The following PCDH15 variants were observed in gnomAD, a reference collection of about 807,000 sequenced individuals.
PCDH15 encodes protocadherin related 15.
A neutral mutation model predicts 178.5 loss-of-function variants in PCDH15; 129 were observed. The observed-to-expected ratio is 0.72, with a 90% CI of 0.63 to 0.84. PCDH15 has a LOEUF of 0.84. Among genes scored for constraint, PCDH15 ranks in the 40% least tolerant of loss-of-function variants. The pLI is 0.00. For missense variants in PCDH15, 2,230 were observed against 2,099.9 expected (o/e 1.06, Z -1.21); for synonymous variants, 800 against 732.0 (o/e 1.09, Z -1.50).
intron 25 of PCDH15, among the ~76,000 whole-genome samples, chr10:53,923,781 C>T (rs1589438909): frequency 6.6e-6 from 1 of 152,186 alleles, no homozygotes; most frequent in African/African-American, 2.4e-5. Context: ...TTGAAACCCT[C>T]TTCTCCTTTG....
At chr10:54,574,973 A>G (rs1590208239) in intron 2 of PCDH15, among the ~76,000 whole-genome samples, 1 of 149,310 alleles carries the variant, frequency 6.7e-6, no homozygotes, top group Non-Finnish European at 1.5e-5. Flanking sequence ...TGCAGCCATA[A>G]AAAATGATGA....
chr10:53,919,190 A>G (rs2133858814), intron 25 of PCDH15, among the ~76,000 whole-genome samples: 2 of 152,274 alleles, frequency 1.3e-5, no homozygotes, highest in South Asian at 4.1e-4. Context: ...TATGTAAATT[A>G]ATATCTTCCC....
intron 1 of PCDH15, among the ~76,000 whole-genome samples, chr10:55,237,544 A>G (rs891870493): frequency 2.0e-5 from 3 of 152,112 alleles, no homozygotes; most frequent in Admixed American, 2.0e-4. Flanking sequence ...GTAGATTATC[A>G]TTATTTGTGT....
chr10:53,903,413 A>T, intron 25 of PCDH15, 43 bp from the exon 26 acceptor site: 1 of 1,606,946 alleles, frequency 6.2e-7, no homozygotes, highest in Non-Finnish European at 8.5e-7. Flanking sequence ...GTGGTTATTC[A>T]TGGGGGAAAA....
chr10:54,214,037 C>T lies in PCDH15; in HGVS notation c.997G>A (p.Asp333Asn). The change falls in exon 10 of 38, where the codon GAT (aspartate) becomes AAT (asparagine). Residue 333 changes from aspartate (D) to asparagine (N), a missense_variant. By Grantham distance (23) the Asp-to-Asn change is conservative (BLOSUM62 1). Transcript: ENST00000644397. ...LYSILVGTPE[D>N]YPRFFHMHPR... ...TGCATATGGAAAAATCGTGGGTAAT[C>T]CTCAGGAGTCCCTGGAAGACATTGA... is the stretch of plus-strand genomic sequence containing the variant. The T allele has an allele frequency of 2.5e-6, 4 of 1,576,612 alleles. No homozygotes were observed. The highest frequency in any genetic ancestry group is 3.5e-6 in the Non-Finnish European group (4 of 1,146,286).
At chr10:54,002,909 G>A (rs973674045) in intron 20 of PCDH15, among the ~76,000 whole-genome samples, 1 of 152,076 alleles carries the variant, frequency 6.6e-6, no homozygotes, top group African/African-American at 2.4e-5. Flanking sequence ...ACCCTTCCAG[G>A]TCCCCTTCCA....
chr10:55,321,955 G>A (rs1843913157), upstream of PCDH15, among the ~76,000 whole-genome samples: 1 of 152,176 alleles, frequency 6.6e-6, no homozygotes, highest in Non-Finnish European at 1.5e-5. Context: ...AAACAAGTCT[G>A]CATAATAACC....
At chr10:54,601,759 T>C (rs1221551079) in intron 2 of PCDH15, among the ~76,000 whole-genome samples, 1 of 151,984 alleles carries the variant, frequency 6.6e-6, no homozygotes, top group African/African-American at 2.4e-5. Flanking sequence ...TTTCAGTAAA[T>C]GTGGTACATA....
At chr10:53,827,926 TTTA>T (rs994532751) in intron 31 of PCDH15, among the ~76,000 whole-genome samples, 1 of 152,172 alleles carries the variant, frequency 6.6e-6, no homozygotes, top group African/African-American at 2.4e-5. Flanking sequence ...ATAATTTTTC[TTTA>T]TTATTTGTCT....
chr10:54,698,545 A>C (rs2095265738), intron 1 of PCDH15, among the ~76,000 whole-genome samples: 2 of 152,164 alleles, frequency 1.3e-5, no homozygotes, highest in African/African-American at 4.8e-5. Flanking sequence ...TTCATGTGGT[A>C]GTGCAAAGAT....
At chr10:54,924,494 T>G (rs1367475609) in intron 2 of PCDH15, among the ~76,000 whole-genome samples, 2 of 108,372 alleles carry the variant, frequency 1.8e-5, no homozygotes, top group African/African-American at 5.7e-5. Flanking sequence ...AGTAGTTCTG[T>G]TATTAGGTCT....
chr10:55,338,740 A>C (rs1204954206), intron 2 of PCDH15, among the ~76,000 whole-genome samples: 1 of 152,084 alleles, frequency 6.6e-6, no homozygotes, highest in South Asian at 2.1e-4. Flanking sequence ...ATGTCACTGC[A>C]CTCCAGCTCA....
intron 8 of PCDH15, among the ~76,000 whole-genome samples, chr10:54,279,062 T>G (rs2058518787): frequency 6.6e-6 from 1 of 151,612 alleles, no homozygotes. Flanking sequence ...ATATTCCTGT[T>G]ATTGTCTCAC....
upstream of PCDH15, among the ~76,000 whole-genome samples, chr10:55,323,831 T>C (rs1413928120): frequency 6.6e-6 from 1 of 152,098 alleles, no homozygotes; most frequent in Non-Finnish European, 1.5e-5. Context: ...GCATGATTGG[T>C]CTTGAAATGT....
chr10:53,927,038 CAG>C (rs1237620726), intron 25 of PCDH15, among the ~76,000 whole-genome samples: 1 of 152,020 alleles, frequency 6.6e-6, no homozygotes, highest in Non-Finnish European at 1.5e-5. Flanking sequence ...GACAAAAAAA[CAG>C]AATCATATTA....
intron 7 of PCDH15, among the ~76,000 whole-genome samples, chr10:54,319,462 A>G (rs747943997): frequency 5.3e-5 from 8 of 152,184 alleles, no homozygotes; most frequent in Non-Finnish European, 1.2e-4. Context: ...CGATCCATTT[A>G]TATGCAATAT....
intron 3 of PCDH15, among the ~76,000 whole-genome samples, chr10:54,867,523 G>A (rs1258264779): frequency 6.6e-6 from 1 of 151,848 alleles, no homozygotes; most frequent in Non-Finnish European, 1.5e-5. Flanking sequence ...TTTTTACAAT[G>A]ACATTGCACA....
rs1475018348 is a variant in PCDH15 at position 54,132,894 on chromosome 10, G to A, written c.1898C>T (p.Ala633Val). 2.0e-5 allele frequency: 33 copies of A among 1,613,202 alleles called. No homozygotes were observed. The highest frequency in any genetic ancestry group is 2.7e-5 in the Non-Finnish European group (32 of 1,179,726). Residue 633 changes from alanine (A) to valine (V), a missense_variant, in exon 15 of 38, where the codon GCT becomes GTT. Ala to Val is a moderately conservative substitution (Grantham distance 64, BLOSUM62 0). Coordinates refer to ENST00000644397, the MANE Select transcript of PCDH15 (RefSeq NM_001384140.1). ...ACATACCTGTAGATTTAATAAAACA[G>A]CACCAACCCTCATGGCTTCACTAAT... is the stretch of plus-strand genomic sequence containing the variant. ...LEISEAMRVGAVLLNLQATDR... is the reference protein window; with the variant it reads ...LEISEAMRVGVVLLNLQATDR...
At chr10:55,399,760 G>A (rs535118926) in intron 2 of PCDH15, among the ~76,000 whole-genome samples, 1 of 152,166 alleles carries the variant, frequency 6.6e-6, no homozygotes, top group Admixed American at 6.5e-5. Flanking sequence ...TCATCATATC[G>A]GTGGGAGTAA....
Sources: allele counts gnomAD v4.1 joint callset (sites outside exome capture counted in the v4.1 genomes callset), GRCh38; gene constraint gnomAD v4.1.1; transcripts MANE v1.5; gene names NCBI Gene and HGNC (gene_info 2026-07-23, HGNC 2026-07-21).